The following SLC26A7 variants were observed in gnomAD, a reference collection of about 807,000 sequenced individuals.
The protein encoded by SLC26A7 is anion exchange transporter.
A neutral mutation model predicts 82.5 loss-of-function variants in SLC26A7; 59 were observed. The ratio of observed to expected loss-of-function variants is 0.72; its 90% CI spans 0.58 to 0.89. SLC26A7 has a LOEUF of 0.89. SLC26A7 is among the 40% of genes least tolerant of loss of function. The pLI is 0.00. For missense variants in SLC26A7, 820 were observed against 793.0 expected (o/e 1.03, Z -0.41); for synonymous variants, 271 against 274.3 (o/e 0.99, Z 0.12).
At chr8:91,354,251 G>A (rs1406950898) in intron 11 of SLC26A7, among the ~76,000 whole-genome samples, 1 of 152,086 alleles carries the variant, frequency 6.6e-6, no homozygotes, top group Non-Finnish European at 1.5e-5. Flanking sequence ...TTACCATATT[G>A]GAAAGGGTAG....
Position 91,249,718 on chromosome 8 carries a change from G to A in SLC26A7, c.67G>A (p.Asp23Asn). Reference protein sequence around the residue: ...WSKMHTPQCEDIIQWCRRRLP... With the variant: ...WSKMHTPQCENIIQWCRRRLP... ...CAAGATGCATACCCCCCAGTGTGAA[G>A]ACATTATACAGTGGTGTAGAAGGCG... is the stretch of plus-strand genomic sequence containing the variant. Residue 23 changes from aspartate (D) to asparagine (N), a missense_variant, in exon 2 of 19, where the codon GAC becomes AAC. Coordinates refer to ENST00000276609, the MANE Select transcript of SLC26A7 (RefSeq NM_052832.4). 1 of 1,603,682 alleles carries A rather than the reference G, an allele frequency of 6.2e-7. No homozygotes were observed. The highest frequency in any genetic ancestry group is 8.5e-7 in the Non-Finnish European group (1 of 1,175,252).
upstream of SLC26A7, among the ~76,000 whole-genome samples, chr8:91,246,577 G>C (rs1810546771): frequency 6.6e-6 from 1 of 152,066 alleles, no homozygotes; most frequent in South Asian, 2.1e-4. Context: ...TAGTGCACCT[G>C]TAATCCCAGC....
At chr8:91,218,476 A>G (rs1041494199) in intron 1 of SLC26A7, among the ~76,000 whole-genome samples, 1 of 152,198 alleles carries the variant, frequency 6.6e-6, no homozygotes, top group Admixed American at 6.5e-5. Flanking sequence ...ATTAATTTCC[A>G]TGGCAACTGC....
In SLC26A7 at chr8:91,343,432, C is replaced by T. The variant is rs766666333; in HGVS notation, c.1106C>T (p.Thr369Met). Residue 369 changes from threonine (T) to methionine (M), a missense_variant, in exon 9 of 19, where the codon ACG becomes ATG. Coordinates refer to ENST00000276609, the MANE Select transcript of SLC26A7 (RefSeq NM_052832.4). ...CCAAGTGCTGCTGCCATGGGAAGGA[C>T]GGCTGGCCTGTACAGCACAGGAGCG... Reference protein sequence around the residue: ...CIPSAAAMGRTAGLYSTGAKT... With the variant: ...CIPSAAAMGRMAGLYSTGAKT... 53 of 1,612,542 alleles carry T rather than the reference C, an allele frequency of 3.3e-5. No homozygotes were observed. Among genetic ancestry groups the T allele is most frequent in the South Asian group, 8.8e-5 (8 of 91,046 alleles).
At chr8:91,267,211 TTTG>T (rs970031988) in intron 2 of SLC26A7, among the ~76,000 whole-genome samples, 8 of 151,818 alleles carry the variant, frequency 5.3e-5, no homozygotes, top group South Asian at 2.1e-4. Flanking sequence ...CCCACCTCTT[TTTG>T]TTGTTGTTGT....
Position 91,362,447 on chromosome 8 carries a change from G to A in SLC26A7, c.1409G>A (p.Gly470Glu). Residue 470 changes from glycine (G) to glutamate (E), a missense_variant, in exon 12 of 19, where the codon GGA becomes GAA. Coordinates refer to ENST00000276609, the MANE Select transcript of SLC26A7 (RefSeq NM_052832.4). ...GTTTGTACCATAGCTATAGTGATAG[G>A]ACGCTTCCCAAGGTAGGATCCTATG... Reference protein sequence around the residue: ...GVVCTIAIVIGRFPRAMTVSI... With the variant: ...GVVCTIAIVIERFPRAMTVSI... 6.2e-7 allele frequency: 1 copy of A among 1,612,550 alleles called. No homozygotes were observed. Among genetic ancestry groups the A allele is most frequent in the Non-Finnish European group, 8.5e-7 (1 of 1,179,022 alleles).
rs1451826147 is a variant in SLC26A7 at position 91,289,232 on chromosome 8, A to T, written c.290A>T (p.His97Leu). The T allele has an allele frequency of 1.2e-6, 2 of 1,611,644 alleles. No homozygotes were observed. Among genetic ancestry groups the T allele is most frequent in the African/African-American group, 2.7e-5 (2 of 74,860 alleles). ...AIIYAIFGMGHHVATGTFALT... is the reference protein window; with the variant it reads ...AIIYAIFGMGLHVATGTFALT... ...ATTTATGCCATATTTGGAATGGGAC[A>T]TCATGTTGCCACAGGTAATAATTCC... Residue 97 changes from histidine (H) to leucine (L), a missense_variant, in exon 3 of 19, where the codon CAT becomes CTT. By Grantham distance (99) the His-to-Leu change is moderately conservative. Coordinates refer to ENST00000276609, the MANE Select transcript of SLC26A7 (RefSeq NM_052832.4).
At position 91,362,342 on chromosome 8, in the gene SLC26A7, T is replaced by C. The variant is rs752364431; in HGVS notation, c.1315-11T>C. ...AGGATTCACAACTTCTGTTTCTTGT[T>C]TCTCTTTCAGGGAATATGGGTCAGT... On this transcript the variant is annotated splice_polypyrimidine_tract_variant and intron_variant, in intron 11 of 18. Coordinates refer to ENST00000276609, the MANE Select transcript of SLC26A7 (RefSeq NM_052832.4). 1.9e-6 allele frequency: 3 copies of C among 1,593,458 alleles called. No homozygotes were observed. Among genetic ancestry groups the C allele is most frequent in the Non-Finnish European group, 2.6e-6 (3 of 1,167,192 alleles).
intron 15 of SLC26A7, among the ~76,000 whole-genome samples, chr8:91,370,320 C>T (rs1814321768): frequency 6.6e-6 from 1 of 151,590 alleles, no homozygotes; most frequent in African/African-American, 2.4e-5. Flanking sequence ...CCTTTTCCCT[C>T]TCTTTCTTCT....
At chr8:91,293,347 G>T (rs1440757172) in intron 3 of SLC26A7, among the ~76,000 whole-genome samples, 1 of 152,230 alleles carries the variant, frequency 6.6e-6, no homozygotes, top group South Asian at 2.1e-4. Flanking sequence ...CAAAGATAGA[G>T]AATTAGTAGA....
chr8:91,297,795 C>T (rs1812054815), intron 4 of SLC26A7, among the ~76,000 whole-genome samples: 1 of 152,164 alleles, frequency 6.6e-6, no homozygotes, highest in African/African-American at 2.4e-5. Context: ...CCAGTTTCTA[C>T]AAACATATGA....
intron 2 of SLC26A7, among the ~76,000 whole-genome samples, chr8:91,280,386 C>T (rs532850921): frequency 2.0e-4 from 31 of 152,320 alleles, no homozygotes; most frequent in African/African-American, 7.5e-4. Flanking sequence ...AAAACAAACT[C>T]AACTTTTCTT....
chr8:91,254,107 A>G (rs1374844263), intron 2 of SLC26A7, among the ~76,000 whole-genome samples: 1 of 152,090 alleles, frequency 6.6e-6, no homozygotes, highest in Non-Finnish European at 1.5e-5. Flanking sequence ...AATCTGGTAA[A>G]AGATATGTTT....
chr8:91,391,157 A>G (rs1156731663), intron 16 of SLC26A7, among the ~76,000 whole-genome samples: 1 of 152,126 alleles, frequency 6.6e-6, no homozygotes, highest in Non-Finnish European at 1.5e-5. Context: ...CAAACTCAGG[A>G]TAGTACAAAG....
intron 1 of SLC26A7, among the ~76,000 whole-genome samples, chr8:91,214,360 G>A (rs1020167229): frequency 6.6e-6 from 1 of 152,140 alleles, no homozygotes; most frequent in African/African-American, 2.4e-5. Context: ...CTCAGTTGGA[G>A]ACAGACTGGC....
At chr8:91,233,862 T>C (rs1810348912) in intron 2 of SLC26A7, among the ~76,000 whole-genome samples, 2 of 152,218 alleles carry the variant, frequency 1.3e-5, no homozygotes, top group Admixed American at 6.5e-5. Flanking sequence ...TTTTTAGACA[T>C]GTGAATGAGT....
chr8:91,238,788 TA>T (rs1810426828), intron 2 of SLC26A7, among the ~76,000 whole-genome samples: 1 of 152,026 alleles, frequency 6.6e-6, no homozygotes, highest in South Asian at 2.1e-4. Flanking sequence ...TCATCCTGCA[TA>T]ATTTTTAAAG....
chr8:91,277,000 A>G (rs1811424924), intron 2 of SLC26A7, among the ~76,000 whole-genome samples: 1 of 152,158 alleles, frequency 6.6e-6, no homozygotes. Flanking sequence ...GGTTCCTGTC[A>G]TCCTTGGAAT....
intron 15 of SLC26A7, among the ~76,000 whole-genome samples, chr8:91,379,166 G>A (rs534614753): frequency 5.3e-5 from 8 of 152,082 alleles, no homozygotes; most frequent in African/African-American, 1.9e-4. Flanking sequence ...CCTGTAGCAA[G>A]TAAATATTTA....
Sources: allele counts gnomAD v4.1 joint callset (sites outside exome capture counted in the v4.1 genomes callset), GRCh38; gene constraint gnomAD v4.1.1; transcripts MANE v1.5; gene names NCBI Gene and HGNC (gene_info 2026-07-23, HGNC 2026-07-21).